BTD: variants seen among roughly 807,000 people sequenced by gnomAD.
BTD encodes biotinidase.
A neutral mutation model predicts 17.7 loss-of-function variants in BTD; 13 were observed. That is an observed-to-expected ratio of 0.74 (90% CI 0.48 to 1.17). BTD has a LOEUF of 1.17. Among genes scored for constraint, BTD ranks in the 50% most tolerant of loss-of-function variants. The pLI is 0.00. For missense variants in BTD, 674 were observed against 650.4 expected (o/e 1.04, Z -0.39); for synonymous variants, 240 against 245.2 (o/e 0.98, Z 0.20).
chr3:15,602,254 GT>G, intron 1 of BTD: 1 of 1,273,704 alleles, frequency 7.9e-7, no homozygotes, highest in Non-Finnish European at 1.0e-6. Context: ...CCTGAATCCT[GT>G]TTCCTACCCA....
At chr3:15,677,397 T>G in intron 3 of BTD, 2 of 979,156 alleles carry the variant, frequency 2.0e-6, no homozygotes, top group Non-Finnish European at 3.2e-6. Flanking sequence ...GGTCCTGAGT[T>G]GTTCATTTTA....
chr3:15,643,577 T>C (rs773116157), intron 3 of BTD, among the ~76,000 whole-genome samples: 1 of 152,062 alleles, frequency 6.6e-6, no homozygotes, highest in African/African-American at 2.4e-5. Flanking sequence ...TATTTCATTG[T>C]TGTAATTTGC....
chr3:15,641,892 A>T lies in BTD; in HGVS notation c.250-16A>T, dbSNP rs748598780. 24 of 1,563,574 alleles carry T rather than the reference A, an allele frequency of 1.5e-5. No homozygotes were observed. Among genetic ancestry groups the T allele is most frequent in the Non-Finnish European group, 2.1e-5 (24 of 1,136,074 alleles). Reference sequence around the variant, plus strand: ...CCATCTGATAACAGACTATTCTTTGATGTTTTCATTTTCAGGATGTACAGA... The same window carrying T: ...CCATCTGATAACAGACTATTCTTTGTTGTTTTCATTTTCAGGATGTACAGA... On this transcript the variant is annotated splice_polypyrimidine_tract_variant and intron_variant, in intron 2 of 3. Coordinates refer to ENST00000643237, the MANE Select transcript of BTD (RefSeq NM_001370658.1).
intron 3 of BTD, among the ~76,000 whole-genome samples, chr3:15,661,265 CAAAAAAAAAA>C (rs56165902): frequency 5.3e-5 from 5 of 93,762 alleles, no homozygotes; most frequent in South Asian, 3.6e-4. Context: ...GACTCTGTCT[CAAAAAAAAAA>C]AAAAAAAAAA....
At chr3:15,606,551 C>A (rs984523159) in intron 1 of BTD, 1 of 152,178 alleles carries the variant, frequency 6.6e-6, no homozygotes, top group Admixed American at 6.5e-5. Context: ...GTATGAAGTG[C>A]AATGAAAACT....
At chr3:15,643,424 C>G (rs968394634) in intron 3 of BTD, among the ~76,000 whole-genome samples, 4 of 152,062 alleles carry the variant, frequency 2.6e-5, no homozygotes, top group Admixed American at 2.0e-4. Context: ...TGGCTTGAGC[C>G]TGGGAGGCGG....
intron 1 of BTD, among the ~76,000 whole-genome samples, chr3:15,627,159 ACGGCATGC>A (rs2065086813): frequency 6.6e-6 from 1 of 152,176 alleles, no homozygotes; most frequent in South Asian, 2.1e-4. Context: ...CTGAGCAGCC[ACGGCATGC>A]CGGCTCACCG....
At chr3:15,714,638 G>C, downstream of BTD, 2 of 1,596,090 alleles carry the variant, frequency 1.3e-6, no homozygotes, top group Non-Finnish European at 1.7e-6. Context: ...ATGTGTAGTG[G>C]GGTTTTCCCA....
In BTD at chr3:15,645,546, C is replaced by T. The variant is rs1575032020; in HGVS notation, c.*58C>T. The T allele has an allele frequency of 6.3e-7, 1 of 1,576,330 alleles. No individual in the cohort carries two copies. Among genetic ancestry groups the T allele is most frequent in the Non-Finnish European group, 8.6e-7 (1 of 1,161,852 alleles). The stretch of plus-strand genomic sequence containing the variant: ...CCATCATGTTGACAGCCTTGCACTT[C>T]CACAGGCTACAAGCCCTGGGACCAT... On this transcript the variant is annotated 3_prime_UTR_variant, in exon 4 of 4. Coordinates refer to ENST00000643237, the MANE Select transcript of BTD (RefSeq NM_001370658.1).
intron 3 of BTD, chr3:15,685,106 T>C (rs2067959660): frequency 1.0e-6 from 1 of 960,014 alleles, no homozygotes; most frequent in Non-Finnish European, 1.6e-6. Context: ...CGTGAGCCTA[T>C]ACAGTAGATT....
intron 3 of BTD, among the ~76,000 whole-genome samples, chr3:15,664,874 A>C (rs1293468184): frequency 6.6e-6 from 1 of 152,222 alleles, no homozygotes; most frequent in Non-Finnish European, 1.5e-5. Context: ...AGGTGGCAAG[A>C]GGAAGACTGT....
At chr3:15,653,732 G>C (rs1183061587), downstream of BTD, among the ~76,000 whole-genome samples, 6 of 152,166 alleles carry the variant, frequency 3.9e-5, no homozygotes, top group Non-Finnish European at 8.8e-5. Flanking sequence ...TGTAAGATAA[G>C]GTATAACTTT....
chr3:15,711,313 T>C, exon 4 of BTD: 1 of 1,507,954 alleles, frequency 6.6e-7, no homozygotes. Flanking sequence ...ACAGACATAT[T>C]ATTTTACACT....
At chr3:15,622,665 A>G (rs1009786231) in intron 1 of BTD, among the ~76,000 whole-genome samples, 9 of 152,248 alleles carry the variant, frequency 5.9e-5, no homozygotes, top group African/African-American at 2.2e-4. Context: ...GTTTACAGTT[A>G]TAATAGTGGA....
chr3:15,618,761 G>A (rs559118419), intron 1 of BTD, among the ~76,000 whole-genome samples: 127 of 152,200 alleles, frequency 8.3e-4, no homozygotes, highest in African/African-American at 2.9e-3. Context: ...TCCTGACCTC[G>A]TGATCCACCT....
At chr3:15,601,531 G>T (rs772168842), upstream of BTD, 3 of 1,607,846 alleles carry the variant, frequency 1.9e-6, no homozygotes, top group Admixed American at 3.3e-5. Flanking sequence ...CAAGGCAAAC[G>T]CGAAATCGGC....
At chr3:15,698,136 G>A (rs2069947097) in intron 3 of BTD, among the ~76,000 whole-genome samples, 1 of 151,732 alleles carries the variant, frequency 6.6e-6, no homozygotes, top group Non-Finnish European at 1.5e-5. Flanking sequence ...CTTGCTAGCG[G>A]TCTGTCTGAT....
chr3:15,713,412 T>A, downstream of BTD: 1 of 753,414 alleles, frequency 1.3e-6, no homozygotes, highest in Non-Finnish European at 2.2e-6. Context: ...GTTCAAGCAA[T>A]TAATACAACA....
In BTD at chr3:15,645,503, C is replaced by T. The variant is rs763033233; in HGVS notation, c.*15C>T. On this transcript the variant is annotated 3_prime_UTR_variant, in exon 4 of 4. Transcript: ENST00000643237. ...AGAGGGACTAGGAAAAGTGTGTGGT[C>T]TGTGGGGCGGACTCTGGCCATCATG... 39 of 1,600,952 alleles carry T rather than the reference C, an allele frequency of 2.4e-5. No individual in the cohort carries two copies. The Admixed American group carries it at 5.8e-4, about 24-fold the overall frequency.
Sources: gnomAD v4.1 joint callset for allele counts (sites outside exome capture counted in the v4.1 genomes callset) on GRCh38, gnomAD v4.1.1 for gene constraint, MANE v1.5 for transcripts, NCBI Gene and HGNC (gene_info 2026-07-23, HGNC 2026-07-21) for gene names.